MAD1L1: variants seen among roughly 807,000 people sequenced by gnomAD.
MAD1L1 encodes the protein mitotic spindle assembly checkpoint protein MAD1.
MAD1L1 carries 95 observed loss-of-function variants against 96.9 expected under a neutral mutation model. The ratio of observed to expected loss-of-function variants is 0.98; its 90% CI spans 0.83 to 1.16. The LOEUF is 1.16. Among genes scored for constraint, MAD1L1 ranks in the 50% most tolerant of loss-of-function variants. MAD1L1 has a pLI of 0.00. For synonymous variants in MAD1L1, 473 were observed against 396.6 expected (o/e 1.19, Z -2.29); for missense variants, 1,007 against 954.4 (o/e 1.06, Z -0.73).
intron 13 of MAD1L1, among the ~76,000 whole-genome samples, chr7:2,012,119 T>A (rs1162375087): frequency 6.6e-6 from 1 of 152,104 alleles, no homozygotes; most frequent in Non-Finnish European, 1.5e-5. Flanking sequence ...GCAACATACA[T>A]CCCACTAGCA....
intron 11 of MAD1L1, among the ~76,000 whole-genome samples, chr7:2,117,076 T>G (rs1237122907): frequency 6.6e-6 from 1 of 152,128 alleles, no homozygotes; most frequent in Non-Finnish European, 1.5e-5. Context: ...TTTCTAGAGA[T>G]AGGCCTGGCA....
chr7:2,215,903 G>C lies in MAD1L1; in HGVS notation c.906C>G (p.Gly302=), dbSNP rs750877287. ...CCCTCACCTCGTTCTCCAGCTCCAA[G>C]CCAACCAGCGTCTCCTGCATCTTCT... ...RQEKMQETLV[G]LELENERLLA... Residue 302 remains glycine, a synonymous_variant, in exon 9 of 19, where the codon GGC becomes GGG. Transcript: ENST00000265854. 2 of 1,614,182 alleles carry C rather than the reference G, an allele frequency of 1.2e-6. No individual in the cohort carries two copies. Among genetic ancestry groups the C allele is most frequent in the Non-Finnish European group, 1.7e-6 (2 of 1,180,030 alleles).
chr7:1,937,094 T>C (rs769955307), intron 16 of MAD1L1, among the ~76,000 whole-genome samples, 197 bp from the exon 17 acceptor site: 2 of 152,132 alleles, frequency 1.3e-5, no homozygotes, highest in Non-Finnish European at 2.9e-5. Flanking sequence ...CTGTGCCCTG[T>C]GGACAGGTGC....
intron 14 of MAD1L1, among the ~76,000 whole-genome samples, chr7:1,988,043 G>A (rs1362985309): frequency 6.6e-6 from 1 of 152,238 alleles, no homozygotes; most frequent in African/African-American, 2.4e-5. Flanking sequence ...CACACCCGGG[G>A]CAGGCCCATG....
intron 11 of MAD1L1, among the ~76,000 whole-genome samples, chr7:2,129,055 G>C (rs186145747): frequency 3.3e-5 from 5 of 152,178 alleles, no homozygotes; most frequent in African/African-American, 1.2e-4. Context: ...ACCCCACCAC[G>C]AGGACAAAAT....
At chr7:2,164,650 CA>C (rs1236032805) in intron 10 of MAD1L1, among the ~76,000 whole-genome samples, 2 of 147,844 alleles carry the variant, frequency 1.4e-5, no homozygotes, top group African/African-American at 2.5e-5. Flanking sequence ...ACAGTTGCAC[CA>C]AAAAAAAATC....
chr7:2,221,891 G>A (rs1352991703), intron 5 of MAD1L1, among the ~76,000 whole-genome samples: 5 of 152,148 alleles, frequency 3.3e-5, no homozygotes, highest in East Asian at 3.9e-4. Context: ...GACCGCCATC[G>A]CTAGGGACCT....
rs1429120329 is a variant in MAD1L1, at chr7:1,980,444, G to A, written c.1505+9C>T. On this transcript the variant is annotated intron_variant, in intron 15 of 18. Transcript: ENST00000265854. ...CTGGGCGTGTCCGCCTCCTCTCTGG[G>A]GGACGTACCTGAGCGTGTCCGCCTC... The A allele has an allele frequency of 6.2e-7, 1 of 1,608,328 alleles. No individual in the cohort carries two copies. The highest frequency in any genetic ancestry group is 1.1e-5 in the South Asian group (1 of 89,932).
At chr7:2,027,704 G>C (rs761805594) in intron 12 of MAD1L1, among the ~76,000 whole-genome samples, 5 of 152,334 alleles carry the variant, frequency 3.3e-5, no homozygotes, top group Admixed American at 6.5e-5. Context: ...TGGCAAATGA[G>C]GAATAGGGAG....
chr7:2,217,902 G>A lies in MAD1L1; in HGVS notation c.678+60C>T, dbSNP rs1007951198. 19 of 1,414,512 alleles carry A rather than the reference G, an allele frequency of 1.3e-5. No homozygotes were observed. In the African/African-American group the frequency reaches 1.8e-4, roughly 14 times the overall value. 87.6% of individuals were successfully genotyped at this position (1,414,512 alleles called of 1,614,324 possible). A position where few individuals can be genotyped will look rare whatever the true frequency, so the allele number is the denominator to read the frequency against. ...GCACCAGCGCAGAAAGGCCGACAGG[G>A]GCAGGAGAGTCAAGGCCACCACAGG... On this transcript the variant is annotated intron_variant, in intron 7 of 18. Coordinates refer to ENST00000265854, the MANE Select transcript of MAD1L1 (RefSeq NM_001013836.2).
intron 11 of MAD1L1, among the ~76,000 whole-genome samples, chr7:2,098,270 A>C (rs1786599305): frequency 6.6e-6 from 1 of 152,164 alleles, no homozygotes; most frequent in East Asian, 1.9e-4. Context: ...CCAGTCACAC[A>C]CCAGGCCTCT....
rs1785889624 is a variant in MAD1L1, at chr7:1,884,515, C to G, written c.1998+13685G>C. On this transcript the variant is annotated intron_variant, in intron 18 of 18. Coordinates refer to ENST00000265854, the MANE Select transcript of MAD1L1 (RefSeq NM_001013836.2). ...CACCACATGGAGGCCCTGAGGCCGT[C>G]CTGCTGACCTTCCCTCAGCCCAAAC... Among the ~76,000 whole-genome samples the G allele has an allele frequency of 2.0e-5, 3 of 152,232 alleles. No homozygotes were observed. In the South Asian group the frequency reaches 6.2e-4, roughly 32 times the overall value.
chr7:1,868,087 G>A lies in MAD1L1; in HGVS notation c.1998+30113C>T, dbSNP rs371851326. ...CCTCTGTAAGCACTGTCCCTGCCGT[G>A]CCCGCTCAGAGTGGGCCCTCCTGCA... On this transcript the variant is annotated intron_variant, in intron 18 of 18. Transcript: ENST00000265854. Among the ~76,000 whole-genome samples, 10 of 152,144 alleles carry A rather than the reference G, an allele frequency of 6.6e-5. No individual in the cohort carries two copies. In the East Asian group the frequency reaches 7.8e-4, roughly 12 times the overall value.
At chr7:1,877,941 A>G (rs1268835585) in intron 18 of MAD1L1, among the ~76,000 whole-genome samples, 1 of 152,218 alleles carries the variant, frequency 6.6e-6, no homozygotes, top group Admixed American at 6.5e-5. Flanking sequence ...GATAAAACTT[A>G]GAGTGATGAC....
At chr7:2,067,605 C>A (rs1421767190) in intron 12 of MAD1L1, among the ~76,000 whole-genome samples, 2 of 152,062 alleles carry the variant, frequency 1.3e-5, no homozygotes, top group East Asian at 1.9e-4. Flanking sequence ...AGCCCAAACC[C>A]CCGCAGTGGT....
chr7:1,937,448 G>T (rs1317642114), intron 16 of MAD1L1, among the ~76,000 whole-genome samples: 2 of 152,214 alleles, frequency 1.3e-5, no homozygotes, highest in Non-Finnish European at 2.9e-5. Context: ...CCAGGGCCGG[G>T]ATGTGTGTGG....
intron 18 of MAD1L1, among the ~76,000 whole-genome samples, chr7:1,851,436 C>T (rs1190701825): frequency 6.6e-6 from 1 of 152,306 alleles, no homozygotes; most frequent in African/African-American, 2.4e-5. Context: ...ACGTGCCATC[C>T]TCGTGGATGA....
chr7:2,092,990 T>C (rs540549204), intron 11 of MAD1L1, among the ~76,000 whole-genome samples: 8 of 151,842 alleles, frequency 5.3e-5, no homozygotes, highest in African/African-American at 1.4e-4. Flanking sequence ...GTAATCCCAG[T>C]ACTTTGGGAG....
At chr7:2,079,823 G>A (rs932950582) in intron 11 of MAD1L1, 54 of 461,462 alleles carry the variant, frequency 1.2e-4, no homozygotes, top group African/African-American at 9.4e-4. Flanking sequence ...GAACTGCAGA[G>A]ACAAGGGGGC....
Sources: allele counts gnomAD v4.1 joint callset (sites outside exome capture counted in the v4.1 genomes callset), GRCh38; gene constraint gnomAD v4.1.1; transcripts MANE v1.5; gene names NCBI Gene and HGNC (gene_info 2026-07-23, HGNC 2026-07-21).